MIDEAS: variants seen among roughly 807,000 people sequenced by gnomAD.
MIDEAS encodes mitotic deacetylase associated SANT domain protein, also known as mitotic deacetylase-associated SANT domain protein.
A neutral mutation model predicts 102.7 loss-of-function variants in MIDEAS; 26 were observed. The ratio of observed to expected loss-of-function variants is 0.25; its 90% CI spans 0.19 to 0.35. The LOEUF (loss-of-function observed/expected upper bound fraction) is 0.35, where lower values mean the gene tolerates loss of function less well. MIDEAS is among the 10% of genes least tolerant of loss of function. The probability of loss-of-function intolerance (pLI) is 1.00; values close to 1 mark genes in which losing one functional copy is unlikely to be tolerated. For missense variants in MIDEAS, 1,231 were observed against 1,435.6 expected, an observed-to-expected ratio of 0.86 and a Z score of 2.30; for synonymous variants, 585 against 591.0, an observed-to-expected ratio of 0.99 and a Z score of 0.15.
intron 1 of MIDEAS, among the ~76,000 whole-genome samples, chr14:73,772,940 G>A (rs1255967024): frequency 6.6e-6 from 1 of 151,816 alleles, no homozygotes; most frequent in Non-Finnish European, 1.5e-5. Context: ...CCCAGTTCAA[G>A]TGATTCTCCT....
At chr14:73,752,923 C>A (rs1412757408) in intron 1 of MIDEAS, among the ~76,000 whole-genome samples, 1 of 152,234 alleles carries the variant, frequency 6.6e-6, no homozygotes, top group African/African-American at 2.4e-5. Flanking sequence ...GGGACCTGGG[C>A]CAAGCCAGCT....
rs1330332677 is a variant in MIDEAS, at chr14:73,765,597, T to C, written c.-248+21505A>G. Among the ~76,000 whole-genome samples the C allele has an allele frequency of 2.0e-5, 3 of 152,188 alleles. No individual in the cohort carries two copies. In the South Asian group the frequency reaches 6.2e-4, roughly 32 times the overall value. On this transcript the variant is annotated intron_variant, in intron 1 of 11. Transcript: ENST00000394071. The stretch of plus-strand genomic sequence containing the variant: ...ATAAAGCTGAGACTGTTAGCTAGAC[T>C]GTTAGGCACCTTTCCCACACGATCT...
chr14:73,779,415 G>A (rs1233699711), intron 1 of MIDEAS, among the ~76,000 whole-genome samples: 1 of 145,088 alleles, frequency 6.9e-6, no homozygotes, highest in African/African-American at 2.5e-5. Context: ...AAAAAAAAGT[G>A]CAACTTCTTC....
rs1336474063 is a variant in MIDEAS, at chr14:73,759,534, G to A, written c.-248+229C>T. 6.7e-6 allele frequency among the ~76,000 whole-genome samples: 1 copy of A among 149,306 alleles called. No homozygotes were observed. Among genetic ancestry groups the A allele is most frequent in the African/African-American group, 2.4e-5 (1 of 41,124 alleles). On this transcript the variant is annotated intron_variant, in intron 1 of 12. Coordinates refer to ENST00000423556, the MANE Select transcript of MIDEAS (RefSeq NM_001367710.1). The surrounding 1 kb of genome is among the most constrained non-coding windows in gnomAD (Gnocchi z 6.7). ...CGGGCCGAGGGCGCGGACCGCGGGG[G>A]AGGGGGCGGCGGGCTGCAGGCGGCC... is the stretch of plus-strand genomic sequence containing the variant.
At chr14:73,780,109 C>T (rs963788779) in intron 1 of MIDEAS, among the ~76,000 whole-genome samples, 2 of 151,520 alleles carry the variant, frequency 1.3e-5, no homozygotes, top group African/African-American at 4.8e-5. Flanking sequence ...CTCCCGACCT[C>T]ATGATCCACC....
rs2053530079 is a variant in MIDEAS, at chr14:73,759,446, G to C, written c.-248+317C>G. Among the ~76,000 whole-genome samples the C allele has an allele frequency of 6.6e-6, 1 of 151,162 alleles. No homozygotes were observed. Among genetic ancestry groups the C allele is most frequent in the Non-Finnish European group, 1.5e-5 (1 of 67,738 alleles). On this transcript the variant is annotated intron_variant, in intron 1 of 12. Transcript: ENST00000423556. The surrounding 1 kb of genome is among the most constrained non-coding windows in gnomAD (Gnocchi z 6.7). ...CTGGCGGGGCCGCGCCCGGGTGGGC[G>C]GGGGCCGCGCGCAAGCTGCGTAGCT...
intron 4 of MIDEAS, chr14:73,728,905 C>G (rs1354054763): frequency 6.7e-6 from 1 of 148,888 alleles, no homozygotes; most frequent in East Asian, 2.0e-4. Flanking sequence ...ATTTTGCATC[C>G]ACAGACACCA....
chr14:73,780,942 T>TG (rs1179506482), intron 1 of MIDEAS, among the ~76,000 whole-genome samples: 1 of 142,052 alleles, frequency 7.0e-6, no homozygotes, highest in Admixed American at 7.2e-5. Context: ...TTTTGTTTTT[T>TG]TGTTGTTGTT....
At chr14:73,722,296 A>C in intron 10 of MIDEAS, 1 of 156,288 alleles carries the variant, frequency 6.4e-6, no homozygotes, top group South Asian at 1.9e-4. Context: ...ACTTAAAGGA[A>C]AATATTAAGT....
At chr14:73,719,051 CG>C (rs1483512678) in intron 12 of MIDEAS, 43 bp from the exon 13 acceptor site, 2 of 1,449,800 alleles carry the variant, frequency 1.4e-6, no homozygotes, top group Middle Eastern at 1.8e-4. Context: ...CTAGCCCACC[CG>C]GGGGCCCCCA....
upstream of MIDEAS, chr14:73,788,876 A>C (rs2053842950): frequency 1.3e-5 from 2 of 152,230 alleles, no homozygotes; most frequent in South Asian, 4.1e-4. Flanking sequence ...ACAAGAGCTG[A>C]ATATTTTTTT....
intron 4 of MIDEAS, chr14:73,728,030 T>C (rs991797241): frequency 6.5e-6 from 1 of 152,714 alleles, no homozygotes; most frequent in Non-Finnish European, 1.5e-5. Context: ...GTTTTTTTTT[T>C]GTTTTTGTTG....
In MIDEAS at chr14:73,740,161, G is replaced by T; in HGVS notation, c.-153C>A. On this transcript the variant is annotated 5_prime_UTR_variant, in exon 2 of 13. Coordinates refer to ENST00000423556, the MANE Select transcript of MIDEAS (RefSeq NM_001367710.1). ...CGCTGGACAGTGAGGTCGGACACTGGGAGAAAGAACTGCTGGCTCTTCCTT... is the reference window on the plus strand; with the variant it reads ...CGCTGGACAGTGAGGTCGGACACTGTGAGAAAGAACTGCTGGCTCTTCCTT... 1.1e-6 allele frequency: 1 copy of T among 935,188 alleles called. No individual in the cohort carries two copies. Among genetic ancestry groups the T allele is most frequent in the Non-Finnish European group, 1.4e-6 (1 of 701,964 alleles). The allele number at this position is 935,188 out of a possible 1,614,324, so 57.9% of individuals were successfully genotyped here.
In MIDEAS at chr14:73,740,243, A is replaced by G; in HGVS notation, c.-235T>C. 1 of 444,666 alleles carries G rather than the reference A, an allele frequency of 2.2e-6. No individual in the cohort carries two copies. The highest frequency in any genetic ancestry group is 4.2e-5 in the Admixed American group (1 of 23,826). 27.5% of individuals were successfully genotyped at this position (444,666 alleles called of 1,614,324 possible). On this transcript the variant is annotated 5_prime_UTR_variant, in exon 2 of 13. Coordinates refer to ENST00000423556, the MANE Select transcript of MIDEAS (RefSeq NM_001367710.1). ...CTCTTCCCAGTTCATGATGCTCCAC[A>G]GGGTTCTGGCACCTGCAGAGGGAAG... is the stretch of plus-strand genomic sequence containing the variant.
exon 1 of MIDEAS, chr14:73,787,230 G>A (rs950867055): frequency 6.7e-6 from 1 of 148,578 alleles, no homozygotes; most frequent in African/African-American, 2.4e-5. Context: ...GGTGCGGCCC[G>A]GGCTGTGCGG....
chr14:73,738,725 C>T lies in MIDEAS; in HGVS notation c.1284G>A (p.Met428Ile). ...CTGCCCTCATGCCCTCCTCGCTGCC[C>T]ATGGCAGGAGCCTCTCGCTCCCGGC... ...PNGREREAPAMGSEEGMRAVS... is the reference protein window; with the variant it reads ...PNGREREAPAIGSEEGMRAVS... Residue 428 changes from methionine to isoleucine, a missense_variant, in exon 2 of 13, where the codon ATG (methionine) becomes ATA (isoleucine). Met to Ile is a conservative substitution (Grantham distance 10, BLOSUM62 1). Around this residue, in one of 5 missense-constraint regions of MIDEAS, gnomAD observed 758 missense variants for 856.0 expected, o/e 0.89. Transcript: ENST00000423556. The T allele has an allele frequency of 6.2e-7, 1 of 1,613,116 alleles. No homozygotes were observed. Among genetic ancestry groups the T allele is most frequent in the South Asian group, 1.1e-5 (1 of 91,020 alleles).
intron 1 of MIDEAS, among the ~76,000 whole-genome samples, chr14:73,771,000 T>A (rs2140167992): frequency 6.6e-6 from 1 of 152,228 alleles, no homozygotes; most frequent in South Asian, 2.1e-4. Flanking sequence ...GGTTGGGGCA[T>A]CTAGGAATAA....
At chr14:73,754,381 A>G (rs2053456653) in intron 1 of MIDEAS, among the ~76,000 whole-genome samples, 1 of 152,210 alleles carries the variant, frequency 6.6e-6, no homozygotes, top group Non-Finnish European at 1.5e-5. Context: ...CGCACATGCA[A>G]ACAAATAAAT....
At chr14:73,745,728 A>C (rs10131666) in intron 1 of MIDEAS, among the ~76,000 whole-genome samples, 77,480 of 152,114 alleles carry the variant, frequency 0.51, 22,338 homozygotes, top group East Asian at 0.87. Flanking sequence ...ACTTCACACA[A>C]AGGCCAGTGT....
Sources: allele counts gnomAD v4.1 joint callset (sites outside exome capture counted in the v4.1 genomes callset), GRCh38; gene constraint gnomAD v4.1.1; regional missense constraint gnomAD v4.1.1; non-coding constraint Gnocchi (gnomAD v3.1); transcripts MANE v1.5; gene names NCBI Gene and HGNC (gene_info 2026-07-23, HGNC 2026-07-21).